BCKDHB: variants seen among roughly 807,000 people sequenced by gnomAD.
BCKDHB encodes the protein branched chain keto acid dehydrogenase E1 subunit beta, also known as 2-oxoisovalerate dehydrogenase subunit beta, mitochondrial.
In BCKDHB, 41 loss-of-function variants were observed where a neutral mutation model predicts 48.5. That is an observed-to-expected ratio of 0.85 (90% CI 0.66 to 1.10). BCKDHB has a LOEUF of 1.10. BCKDHB is among the 50% of genes least tolerant of loss of function. The pLI, the probability that BCKDHB is intolerant of heterozygous loss-of-function variation, is 0.00. For missense variants in BCKDHB, 496 were observed against 494.2 expected (o/e 1.00, Z -0.03); for synonymous variants, 201 against 174.8 (o/e 1.15, Z -1.18).
At chr6:80,164,700 C>T (rs569539759) in intron 3 of BCKDHB, among the ~76,000 whole-genome samples, 85 of 152,228 alleles carry the variant, frequency 5.6e-4, no homozygotes, top group Admixed American at 9.2e-4. Flanking sequence ...TTTTCTATTA[C>T]ACATAAGAAA....
chr6:80,158,063 A>G (rs895016908), intron 3 of BCKDHB, among the ~76,000 whole-genome samples: 1 of 152,172 alleles, frequency 6.6e-6, no homozygotes, highest in Admixed American at 6.5e-5. Context: ...AGTAGGCACT[A>G]TTGGACTACT....
chr6:80,111,251 A>G (rs533621462), intron 1 of BCKDHB, among the ~76,000 whole-genome samples: 1 of 152,362 alleles, frequency 6.6e-6, no homozygotes, highest in Admixed American at 6.5e-5. Flanking sequence ...TTGGGTGCCC[A>G]TGACGTCCAG....
At chr6:80,390,163 G>C in the BCKDHB span, among the ~76,000 whole-genome samples, 1 of 152,158 alleles carries the variant, frequency 6.6e-6, no homozygotes, top group African/African-American at 2.4e-5. Flanking sequence ...CCACAACAGA[G>C]GTAAGGAAGA....
At chr6:80,364,833 C>A in the BCKDHB span, among the ~76,000 whole-genome samples, 3 of 152,144 alleles carry the variant, frequency 2.0e-5, no homozygotes, top group Admixed American at 1.3e-4. Flanking sequence ...GGGGAACCCA[C>A]CCCCAATATT....
the BCKDHB span, among the ~76,000 whole-genome samples, chr6:80,383,825 A>G: frequency 6.6e-6 from 1 of 152,198 alleles, no homozygotes; most frequent in Non-Finnish European, 1.5e-5. Flanking sequence ...TCTAAATACA[A>G]TATGGGTTTA....
chr6:80,431,710 T>C, the BCKDHB span, among the ~76,000 whole-genome samples: 1 of 152,244 alleles, frequency 6.6e-6, no homozygotes, highest in African/African-American at 2.4e-5. Context: ...TGAGCCTATG[T>C]GCATCTTTGC....
At chr6:80,196,427 C>T (rs1432995864) in intron 6 of BCKDHB, among the ~76,000 whole-genome samples, 1 of 152,090 alleles carries the variant, frequency 6.6e-6, no homozygotes, top group Non-Finnish European at 1.5e-5. Flanking sequence ...TGTTGCTTCC[C>T]TTTAGATTCC....
intron 6 of BCKDHB, among the ~76,000 whole-genome samples, chr6:80,174,370 C>T (rs1190784178): frequency 1.3e-5 from 2 of 152,052 alleles, no homozygotes; most frequent in African/African-American, 4.8e-5. Context: ...GCAGTACTAT[C>T]GTTCCTCAGT....
chr6:80,206,915 C>T (rs1346959436), intron 8 of BCKDHB, among the ~76,000 whole-genome samples: 6 of 151,970 alleles, frequency 3.9e-5, no homozygotes, highest in Non-Finnish European at 7.4e-5. Context: ...TCAAAGAAAA[C>T]CACACCTGTA....
chr6:80,167,585 C>T (rs1772639352), intron 3 of BCKDHB, 93 bp from the exon 4 acceptor site: 3 of 1,283,132 alleles, frequency 2.3e-6, no homozygotes, highest in Non-Finnish European at 3.4e-6. Context: ...TATACTTCTC[C>T]ATCCCATTAT....
chr6:80,322,262 G>T, intron 9 of BCKDHB, among the ~76,000 whole-genome samples: 1 of 121,262 alleles, frequency 8.2e-6, no homozygotes, highest in Non-Finnish European at 1.7e-5. Flanking sequence ...TTTTGGTGAC[G>T]GAGTCGCACT....
intron 9 of BCKDHB, among the ~76,000 whole-genome samples, chr6:80,296,333 G>A (rs920928003): frequency 6.6e-6 from 1 of 152,122 alleles, no homozygotes; most frequent in Non-Finnish European, 1.5e-5. Context: ...CAATTGACAA[G>A]GAAATTTGGT....
At chr6:80,325,257 T>G (rs1239839078) in intron 9 of BCKDHB, among the ~76,000 whole-genome samples, 2 of 152,216 alleles carry the variant, frequency 1.3e-5, no homozygotes, top group South Asian at 2.1e-4. Flanking sequence ...TGATCCTTTT[T>G]TGAAAAAATC....
chr6:80,128,700 T>C (rs1425832561), intron 2 of BCKDHB, among the ~76,000 whole-genome samples: 1 of 152,154 alleles, frequency 6.6e-6, no homozygotes, highest in Non-Finnish European at 1.5e-5. Flanking sequence ...GCCTCTAGCT[T>C]TCTGACTTGG....
At chr6:80,414,967 T>C in the BCKDHB span, among the ~76,000 whole-genome samples, 2 of 151,006 alleles carry the variant, frequency 1.3e-5, no homozygotes, top group Non-Finnish European at 3.0e-5. Flanking sequence ...TGGATATCTT[T>C]CACCACCATC....
chr6:80,236,465 T>A (rs190187166), intron 8 of BCKDHB, among the ~76,000 whole-genome samples: 1 of 152,218 alleles, frequency 6.6e-6, no homozygotes. Context: ...GCTGGAAAAG[T>A]GAAAATTTTA....
At chr6:80,233,054 A>T (rs1457250994) in intron 8 of BCKDHB, among the ~76,000 whole-genome samples, 7 of 151,624 alleles carry the variant, frequency 4.6e-5, no homozygotes, top group African/African-American at 1.7e-4. Context: ...TTCTCTCAGT[A>T]CTCCCTGTGC....
intron 9 of BCKDHB, among the ~76,000 whole-genome samples, chr6:80,294,717 A>G (rs1767132221): frequency 6.6e-6 from 1 of 151,988 alleles, no homozygotes; most frequent in Non-Finnish European, 1.5e-5. Flanking sequence ...GTGGGGAAGA[A>G]CTCCGCTCTG....
At chr6:80,205,335 G>A (rs941419279) in intron 8 of BCKDHB, among the ~76,000 whole-genome samples, 1 of 151,752 alleles carries the variant, frequency 6.6e-6, no homozygotes, top group South Asian at 2.1e-4. Context: ...TGTTTTATCA[G>A]TTGTTTTTGT....
Sources: gnomAD v4.1 joint callset for allele counts (sites outside exome capture counted in the v4.1 genomes callset) on GRCh38, gnomAD v4.1.1 for gene constraint, MANE v1.5 for transcripts, NCBI Gene and HGNC (gene_info 2026-07-23, HGNC 2026-07-21) for gene names.